Variants in AP4M1 observed in about 807,000 individuals in gnomAD.
AP4M1 encodes AP-4 complex subunit mu-1.
A neutral mutation model predicts 62.4 loss-of-function variants in AP4M1; 58 were observed. The ratio of observed to expected loss-of-function variants is 0.93; its 90% confidence interval spans 0.75 to 1.16. The LOEUF is 1.16. AP4M1 is among the 50% of genes most tolerant of loss of function. The pLI is 0.00. For synonymous variants in AP4M1, 290 were observed against 239.7 expected (o/e 1.21, Z -1.94); for missense variants, 626 against 585.4 (o/e 1.07, Z -0.72).
chr7:100,105,677 TG>T, intron 11 of AP4M1, 138 bp downstream of exon 11: 2 of 941,848 alleles, frequency 2.1e-6, no homozygotes, highest in Middle Eastern at 3.0e-4. Context: ...TTGCGGCCGG[TG>T]GCTCACACCT....
rs761709540 is a variant in AP4M1, at chr7:100,107,387, C to G, written c.*505C>G. 4 of 1,595,622 alleles carry G rather than the reference C, an allele frequency of 2.5e-6. No homozygotes were observed. The highest frequency in any genetic ancestry group is 1.3e-5 in the African/African-American group (1 of 74,436). On this transcript the variant is annotated 3_prime_UTR_variant, in exon 15 of 15. Transcript: ENST00000359593. Reference sequence around the variant, plus strand: ...CGCTGAGTGGGGACGGGGACGATGCCGGGGGAGGAACTGGAGAAGGATGGG... The same window carrying G: ...CGCTGAGTGGGGACGGGGACGATGCGGGGGGAGGAACTGGAGAAGGATGGG...
chr7:100,101,419 C>T, upstream of AP4M1: 1 of 1,331,884 alleles, frequency 7.5e-7, no homozygotes, highest in Non-Finnish European at 1.1e-6. Flanking sequence ...TCGCCCCCCA[C>T]GTGACCGGCG....
Position 100,107,236 on chromosome 7 carries a change from A to G in AP4M1, c.*354A>G, listed in dbSNP as rs770355213. On this transcript the variant is annotated 3_prime_UTR_variant, in exon 15 of 15. Transcript: ENST00000359593. ...CATGTGTGGGAATCCGGGGGCTGGC[A>G]GGTGGAGCATCACGGAGCAGGCTGA... 1.2e-5 allele frequency: 19 copies of G among 1,521,234 alleles called. No homozygotes were observed. The East Asian group carries it at 2.9e-4, about 24-fold the overall frequency. 94.2% of individuals were successfully genotyped at this position (1,521,234 alleles called of 1,614,324 possible).
At chr7:100,106,213 G>C in intron 12 of AP4M1, 28 bp from the exon 13 acceptor site, 1 of 1,613,812 alleles carries the variant, frequency 6.2e-7, no homozygotes, top group Non-Finnish European at 8.5e-7. Context: ...CCTTCCTGGG[G>C]CTGACTTTGT....
Position 100,107,065 on chromosome 7 carries a change from G to C in AP4M1, c.*183G>C. ...GGTATCTGATGCAGGAAGGACTGCA[G>C]TGGATCAGAACTTACAAACCAAACT... On this transcript the variant is annotated 3_prime_UTR_variant, in exon 15 of 15. Transcript: ENST00000359593. The C allele has an allele frequency of 8.2e-7, 1 of 1,219,796 alleles. No homozygotes were observed. The highest frequency in any genetic ancestry group is 1.2e-6 in the Non-Finnish European group (1 of 868,974). 75.6% of individuals were successfully genotyped at this position (1,219,796 alleles called of 1,614,324 possible). A position where few individuals can be genotyped will look rare whatever the true frequency, so the allele number is the denominator to read the frequency against.
chr7:100,100,904 G>T, upstream of AP4M1: 1 of 1,054,520 alleles, frequency 9.5e-7, no homozygotes, highest in Non-Finnish European at 1.2e-6. Context: ...ACCTGGGAAT[G>T]CCCAAAAGCG....
At position 100,107,296 on chromosome 7, in the gene AP4M1, TTGGA is replaced by T; in HGVS notation, c.*415_*418del. 6.6e-7 allele frequency: 1 copy of T among 1,524,682 alleles called. No individual in the cohort carries two copies. Among genetic ancestry groups the T allele is most frequent in the Non-Finnish European group, 8.8e-7 (1 of 1,138,324 alleles). 94.4% of individuals were successfully genotyped at this position (1,524,682 alleles called of 1,614,324 possible). On this transcript the variant is annotated 3_prime_UTR_variant, in exon 15 of 15. Transcript: ENST00000359593. Reference sequence around the variant, plus strand: ...GAGTTGGGCTGGGAGCCATTGGCTTTTGGAGTCCCTGGAGCTGGAGGGGGACTGT... The same window carrying T: ...GAGTTGGGCTGGGAGCCATTGGCTTTGTCCCTGGAGCTGGAGGGGGACTGT...
At chr7:100,106,183 G>T in intron 12 of AP4M1, 58 bp from the exon 13 acceptor site, 3 of 1,596,330 alleles carry the variant, frequency 1.9e-6, no homozygotes, top group South Asian at 2.2e-5. Flanking sequence ...CATTGAAGAG[G>T]AACAGGACAA....
At chr7:100,103,836 G>A (rs1796250290) in intron 6 of AP4M1, 144 bp downstream of exon 6, 1 of 707,814 alleles carries the variant, frequency 1.4e-6, no homozygotes. Context: ...GATGCCAGGA[G>A]TTTCAGAGCA....
intron 7 of AP4M1, 48 bp from the exon 8 acceptor site, chr7:100,104,826 A>G (rs1796328284): frequency 1.2e-6 from 2 of 1,610,598 alleles, no homozygotes; most frequent in East Asian, 4.5e-5. Context: ...GACCGTCTCA[A>G]AAAAAGAAAG....
intron 4 of AP4M1, 191 bp downstream of exon 4, chr7:100,103,151 A>G: frequency 1.5e-6 from 1 of 651,038 alleles, no homozygotes; most frequent in Non-Finnish European, 2.7e-6. Flanking sequence ...AGCTCACTGC[A>G]GCCTGGAACT....
chr7:100,105,600 C>T, intron 11 of AP4M1, 61 bp downstream of exon 11: 2 of 1,488,370 alleles, frequency 1.3e-6, no homozygotes, highest in East Asian at 4.5e-5. Context: ...CTGTATGTTC[C>T]CAAGACTCAC....
intron 6 of AP4M1, 106 bp downstream of exon 6, chr7:100,103,798 T>C (rs917571552): frequency 4.7e-6 from 6 of 1,275,990 alleles, no homozygotes; most frequent in Admixed American, 3.6e-5. Flanking sequence ...TCCCAGCACT[T>C]TGGGAGGCCG....
chr7:100,106,291 G>C lies in AP4M1; in HGVS notation c.1025G>C (p.Ser342Thr). 1.2e-6 allele frequency: 2 copies of C among 1,614,064 alleles called. No individual in the cohort carries two copies. Among genetic ancestry groups the C allele is most frequent in the African/African-American group, 1.3e-5 (1 of 75,062 alleles). Reference protein sequence around the residue: ...LHLPLPRGVVSLSQELSSPEQ... With the variant: ...LHLPLPRGVVTLSQELSSPEQ... ...CTCCCCCTGCCTCGAGGGGTGGTCA[G>C]GTGAGTGTGTGCACCCACCACGGGG... The change falls in exon 13 of 15, where the codon AGC becomes ACC. Residue 342 changes from serine to threonine, a missense_variant and splice_region_variant. Physicochemically the swap from Ser to Thr is moderately conservative, Grantham distance 58. Transcript: ENST00000359593.
At position 100,102,627 on chromosome 7, in the gene AP4M1, T is replaced by A. The variant is rs1796144879; in HGVS notation, c.148-48T>A. On this transcript the variant is annotated intron_variant, in intron 2 of 14. Coordinates refer to ENST00000359593, the MANE Select transcript of AP4M1 (RefSeq NM_004722.4). Reference sequence around the variant, plus strand: ...CTCAGGTCTCCTGGGTTCTGATCACTCCACCTCCCTTTTTTTAACGCCTCT... The same window carrying A: ...CTCAGGTCTCCTGGGTTCTGATCACACCACCTCCCTTTTTTTAACGCCTCT... The A allele has an allele frequency of 3.2e-6, 5 of 1,563,864 alleles. No homozygotes were observed. In the East Asian group the frequency reaches 9.0e-5, roughly 28 times the overall value.
rs1428779321 is a variant in AP4M1 at position 100,108,147 on chromosome 7, G to T, written c.*1265G>T. On this transcript the variant is annotated 3_prime_UTR_variant, in exon 15 of 15. Coordinates refer to ENST00000359593, the MANE Select transcript of AP4M1 (RefSeq NM_004722.4). ...GGCTGCGGGGAGAAGAGGAAAGGGG[G>T]AAGTGGCACCATCTACTAAGAAGAG... The T allele has an allele frequency of 1.3e-6, 2 of 1,574,220 alleles. No homozygotes were observed.
Position 100,108,267 on chromosome 7 carries a change from A to G in AP4M1, c.*1385A>G. The stretch of plus-strand genomic sequence containing the variant: ...TCACTCAGGGCCTGGTTGCCCTGAG[A>G]CTACTGACTGAGGGCACATGTGGCT... On this transcript the variant is annotated 3_prime_UTR_variant, in exon 15 of 15. Transcript: ENST00000359593. 18 of 1,473,886 alleles carry G rather than the reference A, an allele frequency of 1.2e-5. No individual in the cohort carries two copies. The highest frequency in any genetic ancestry group is 1.4e-5 in the Non-Finnish European group (15 of 1,108,732). The allele number at this position is 1,473,886 out of a possible 1,614,324, so 91.3% of individuals were successfully genotyped here.
chr7:100,105,501 G>C lies in AP4M1; in HGVS notation c.891G>C (p.Arg297=), dbSNP rs781278962. 4 of 1,613,882 alleles carry C rather than the reference G, an allele frequency of 2.5e-6. No homozygotes were observed. In the Admixed American group the frequency reaches 6.7e-5, roughly 27 times the overall value. The change falls in exon 11 of 15, where the codon CGG becomes CGC. Residue 297 remains arginine (R), a synonymous_variant. Transcript: ENST00000359593. ...SDDLPSPLPF[R]LFPSVQWDRG... The stretch of plus-strand genomic sequence containing the variant: ...ACCTCCCCTCACCGCTCCCCTTCCG[G>C]CTCTTCCCCTCTGTGCAGTGGGACC...
rs373325985 is a variant in AP4M1 at position 100,107,435 on chromosome 7, C to G, written c.*553C>G. Reference sequence around the variant, plus strand: ...GGGAGGTGGGGCCTCCTTTGCCCTCCCCTGTTGGGGGAAGTGAGACCACGA... The same window carrying G: ...GGGAGGTGGGGCCTCCTTTGCCCTCGCCTGTTGGGGGAAGTGAGACCACGA... On this transcript the variant is annotated 3_prime_UTR_variant, in exon 15 of 15. Transcript: ENST00000359593. 3 of 1,611,620 alleles carry G rather than the reference C, an allele frequency of 1.9e-6. No individual in the cohort carries two copies. The highest frequency in any genetic ancestry group is 2.7e-5 in the African/African-American group (2 of 74,864).
Sources: allele counts gnomAD v4.1 joint callset, GRCh38; gene constraint gnomAD v4.1.1; transcripts MANE v1.5; gene names NCBI Gene and HGNC (gene_info 2026-07-23, HGNC 2026-07-21).